The following IL1RAPL1 variants were observed in gnomAD, a reference collection of about 807,000 sequenced individuals.
The protein encoded by IL1RAPL1 is interleukin-1 receptor accessory protein-like 1.
Under a neutral mutation model 48.4 loss-of-function variants are expected in IL1RAPL1, and 3 were observed. The observed-to-expected ratio is 0.06, with a 90% confidence interval of 0.03 to 0.16. IL1RAPL1 has a LOEUF of 0.16. IL1RAPL1 is among the 10% of genes least tolerant of loss of function. The pLI, the probability that IL1RAPL1 is intolerant of heterozygous loss-of-function variation, is 1.00. For missense variants in IL1RAPL1, 349 were observed against 530.6 expected (o/e 0.66, Z 3.36); for synonymous variants, 185 against 187.7 (o/e 0.99, Z 0.12).
intron 2 of IL1RAPL1, among the ~76,000 whole-genome samples, chrX:28,852,566 C>T (rs1216402898): frequency 4.5e-5 from 5 of 111,433 alleles, no homozygotes; most frequent in Admixed American, 9.6e-5. Context: ...CATTTTATCC[C>T]ACTCTACATT....
chrX:29,500,516 A>C (rs1009275906), intron 5 of IL1RAPL1, among the ~76,000 whole-genome samples: 58 of 111,549 alleles, frequency 5.2e-4, no homozygotes, highest in Non-Finnish European at 5.1e-4. Context: ...ATGAATGAGA[A>C]TATGTGATAT....
At position 29,668,415 on chromosome X, in the gene IL1RAPL1, G is replaced by A; in HGVS notation, c.704-15G>A. The A allele has an allele frequency of 4.3e-6, 5 of 1,174,187 alleles. No homozygotes were observed. The South Asian group carries it at 5.3e-5, about 13-fold the overall frequency. On this transcript the variant is annotated splice_polypyrimidine_tract_variant and intron_variant, in intron 5 of 10. Coordinates refer to ENST00000378993, the MANE Select transcript of IL1RAPL1 (RefSeq NM_014271.4). The stretch of plus-strand genomic sequence containing the variant: ...AACTATAAGTCTCTGTATTATTATT[G>A]TTGTTGTTTTTCAGCCCCTCTGACT...
chrX:29,337,249 T>G (rs1381650256), intron 3 of IL1RAPL1, among the ~76,000 whole-genome samples: 1 of 112,260 alleles, frequency 8.9e-6, no homozygotes, highest in Non-Finnish European at 1.9e-5. Flanking sequence ...ATTTTAATGT[T>G]TCTATCAAAA....
intron 2 of IL1RAPL1, among the ~76,000 whole-genome samples, chrX:29,008,437 A>C (rs1173170513): frequency 9.0e-6 from 1 of 111,528 alleles, no homozygotes; most frequent in African/African-American, 3.3e-5. Context: ...CGGCCTCCCA[A>C]AGTGTTGGGA....
chrX:29,848,124 T>C (rs1330704894), intron 6 of IL1RAPL1, among the ~76,000 whole-genome samples: 1 of 111,474 alleles, frequency 9.0e-6, no homozygotes, highest in Non-Finnish European at 1.9e-5. Flanking sequence ...AATCACACAT[T>C]TTTAGATGAT....
chrX:28,855,629 G>A (rs1340509895), intron 2 of IL1RAPL1, among the ~76,000 whole-genome samples: 1 of 110,514 alleles, frequency 9.0e-6, no homozygotes, highest in Non-Finnish European at 1.9e-5. Flanking sequence ...AAACTTATAT[G>A]CACTTATTGA....
intron 6 of IL1RAPL1, among the ~76,000 whole-genome samples, chrX:29,697,135 G>C (rs1318631095): frequency 1.8e-5 from 2 of 111,602 alleles, no homozygotes; most frequent in Admixed American, 1.9e-4. Flanking sequence ...ACTGCCGCAA[G>C]TGAGGGCTTT....
At chrX:28,950,409 A>C (rs1353801500) in intron 2 of IL1RAPL1, among the ~76,000 whole-genome samples, 1 of 86,135 alleles carries the variant, frequency 1.2e-5, no homozygotes, top group African/African-American at 4.4e-5. Context: ...CTTAGGATTG[A>C]CTTGGCGATG....
At chrX:29,272,123 T>C (rs1392840487) in intron 2 of IL1RAPL1, among the ~76,000 whole-genome samples, 4 of 112,003 alleles carry the variant, frequency 3.6e-5, no homozygotes, top group African/African-American at 1.3e-4. Flanking sequence ...TTCTGCATAT[T>C]GAAACCAGTT....
At chrX:29,793,805 T>C (rs1192762113) in intron 6 of IL1RAPL1, among the ~76,000 whole-genome samples, 2 of 111,906 alleles carry the variant, frequency 1.8e-5, no homozygotes, top group Non-Finnish European at 3.8e-5. Context: ...GAAGGAAGCA[T>C]AGGGTTGGAC....
chrX:28,895,285 G>A (rs1922884768), intron 2 of IL1RAPL1, among the ~76,000 whole-genome samples: 1 of 110,633 alleles, frequency 9.0e-6, no homozygotes. Context: ...GGGAGTTATA[G>A]GCTTTAAAAG....
intron 2 of IL1RAPL1, among the ~76,000 whole-genome samples, chrX:28,897,626 C>A (rs1922961932): frequency 8.9e-6 from 1 of 112,106 alleles, no homozygotes; most frequent in Admixed American, 9.4e-5. Context: ...GTAGGTGGAT[C>A]TTTCTCATGG....
At chrX:28,794,673 A>G (rs757156859) in intron 2 of IL1RAPL1, among the ~76,000 whole-genome samples, 36 of 111,836 alleles carry the variant, frequency 3.2e-4, no homozygotes, top group Admixed American at 2.9e-3. Flanking sequence ...TTTAGATGCA[A>G]TTCTTCTAGA....
chrX:29,926,553 A>T (rs1283314737), intron 8 of IL1RAPL1, among the ~76,000 whole-genome samples: 2 of 112,320 alleles, frequency 1.8e-5, no homozygotes, highest in African/African-American at 6.5e-5. Context: ...CATGCTTCAA[A>T]GTACCAAACC....
intron 5 of IL1RAPL1, among the ~76,000 whole-genome samples, chrX:29,526,247 T>C (rs1367386803): frequency 4.5e-5 from 5 of 111,733 alleles, no homozygotes; most frequent in African/African-American, 1.6e-4. Context: ...ATAATCCAAA[T>C]TAAAATTGAT....
At chrX:29,610,772 G>A (rs142064742) in intron 5 of IL1RAPL1, among the ~76,000 whole-genome samples, 77 of 112,608 alleles carry the variant, frequency 6.8e-4, no homozygotes, top group African/African-American at 2.4e-3. Context: ...AGATGGGCAG[G>A]TGCAGGAGCC....
At chrX:29,589,701 A>AAT (rs1923306017) in intron 5 of IL1RAPL1, among the ~76,000 whole-genome samples, 3 of 111,620 alleles carry the variant, frequency 2.7e-5, no homozygotes. Flanking sequence ...AAAATAAAAT[A>AAT]ATATATATTA....
chrX:29,810,140 A>G lies in IL1RAPL1; in HGVS notation c.779-107324A>G, dbSNP rs759294724. 5.5e-5 allele frequency among the ~76,000 whole-genome samples: 6 copies of G among 109,648 alleles called. No individual in the cohort carries two copies. In the East Asian group the frequency reaches 1.7e-3, roughly 31 times the overall value. On this transcript the variant is annotated intron_variant, in intron 6 of 10. Coordinates refer to ENST00000378993, the MANE Select transcript of IL1RAPL1 (RefSeq NM_014271.4). The stretch of plus-strand genomic sequence containing the variant: ...TTAATTACATATGATTTCACTATAC[A>G]TACATAGCAGCACATTTCCTTTTAT...
chrX:29,278,584 G>A (rs1317084189), intron 2 of IL1RAPL1, among the ~76,000 whole-genome samples: 2 of 112,065 alleles, frequency 1.8e-5, no homozygotes, highest in African/African-American at 3.2e-5. Context: ...ATTTTATTCC[G>A]AAAGGGAGAA....
Sources: gnomAD v4.1 joint callset for allele counts (sites outside exome capture counted in the v4.1 genomes callset) on GRCh38, gnomAD v4.1.1 for gene constraint, MANE v1.5 for transcripts, NCBI Gene and HGNC (gene_info 2026-07-23, HGNC 2026-07-21) for gene names.